Variants in TRIT1 observed in about 807,000 individuals in gnomAD.
TRIT1 encodes tRNA dimethylallyltransferase.
In TRIT1, 43 loss-of-function variants were observed where a neutral mutation model predicts 51.2. That is an observed-to-expected ratio of 0.84 (90% confidence interval 0.66 to 1.08). TRIT1 has a LOEUF of 1.08. TRIT1 is among the 50% of genes least tolerant of loss of function. The pLI is 0.00. For missense variants in TRIT1, 528 were observed against 578.4 expected, an observed-to-expected ratio of 0.91 and a Z score of 0.89; for synonymous variants, 184 against 203.9, an observed-to-expected ratio of 0.90 and a Z score of 0.83.
intron 4 of TRIT1, among the ~76,000 whole-genome samples, chr1:39,851,305 T>C (rs1570003954): frequency 6.6e-6 from 1 of 152,222 alleles, no homozygotes; most frequent in East Asian, 1.9e-4. Context: ...TGACTCTTAC[T>C]AAGAAAAAAT....
chr1:39,869,248 G>A (rs574961174), intron 1 of TRIT1, among the ~76,000 whole-genome samples: 68 of 152,276 alleles, frequency 4.5e-4, no homozygotes, highest in African/African-American at 1.4e-3. Context: ...GATTGCAGGC[G>A]CACGCCGCCA....
At chr1:39,847,791 C>A in intron 6 of TRIT1, 131 bp from the exon 7 acceptor site, 1 of 1,523,210 alleles carries the variant, frequency 6.6e-7, no homozygotes, top group Non-Finnish European at 8.8e-7. Context: ...TACTGATTCT[C>A]TGAAATTTTC....
chr1:39,857,782 C>T (rs1318810077), intron 1 of TRIT1, among the ~76,000 whole-genome samples: 1 of 152,210 alleles, frequency 6.6e-6, no homozygotes, highest in Non-Finnish European at 1.5e-5. Flanking sequence ...GTAACATTTG[C>T]ATTCATTGCT....
At chr1:39,869,765 C>T (rs958787853) in intron 1 of TRIT1, among the ~76,000 whole-genome samples, 10 of 152,160 alleles carry the variant, frequency 6.6e-5, no homozygotes, top group African/African-American at 2.4e-4. Context: ...GCCACCCCAT[C>T]TGGGAGGTGA....
At chr1:39,877,662 A>C (rs1383420353) in intron 1 of TRIT1, among the ~76,000 whole-genome samples, 2 of 152,172 alleles carry the variant, frequency 1.3e-5, no homozygotes, top group African/African-American at 4.8e-5. Flanking sequence ...ACAATGTTTC[A>C]TCCAGTCACT....
intron 10 of TRIT1, 82 bp downstream of exon 10, chr1:39,844,019 A>G (rs1246434494): frequency 6.4e-6 from 6 of 940,206 alleles, no homozygotes; most frequent in Non-Finnish European, 1.0e-5. Flanking sequence ...CTCCAGGTTC[A>G]ATCTGCCAAA....
chr1:39,868,644 CAAA>C (rs60152365), intron 1 of TRIT1, among the ~76,000 whole-genome samples: 3 of 89,808 alleles, frequency 3.3e-5, no homozygotes, highest in Non-Finnish European at 5.1e-5. Context: ...AACTTCCTCT[CAAA>C]AAAAAAAAAA....
intron 1 of TRIT1, among the ~76,000 whole-genome samples, chr1:39,877,328 TA>T (rs57539376): frequency 0.079 from 8,959 of 113,060 alleles, 761 homozygotes; most frequent in African/African-American, 0.23. Flanking sequence ...GTGCTTCTAT[TA>T]AAAAAAAAAA....
chr1:39,876,444 AG>A (rs1644055002), intron 1 of TRIT1, among the ~76,000 whole-genome samples: 1 of 152,186 alleles, frequency 6.6e-6, no homozygotes, highest in East Asian at 1.9e-4. Flanking sequence ...CAACATACAC[AG>A]CTTAATACTG....
chr1:39,861,328 C>T (rs1290124633), intron 1 of TRIT1, among the ~76,000 whole-genome samples: 1 of 152,040 alleles, frequency 6.6e-6, no homozygotes, highest in Non-Finnish European at 1.5e-5. Flanking sequence ...TCAACCTAGG[C>T]AACATAACGA....
At chr1:39,875,756 C>A (rs1464615735) in intron 1 of TRIT1, among the ~76,000 whole-genome samples, 1 of 151,540 alleles carries the variant, frequency 6.6e-6, no homozygotes, top group Non-Finnish European at 1.5e-5. Flanking sequence ...CACAGTGGTA[C>A]AGAGGAAAAG....
chr1:39,862,818 C>T (rs574812911), intron 1 of TRIT1: 1 of 985,394 alleles, frequency 1.0e-6, no homozygotes, highest in South Asian at 4.7e-5. Context: ...ACAGTTTCAG[C>T]ATCACTCTAC....
intron 1 of TRIT1, among the ~76,000 whole-genome samples, chr1:39,878,922 C>A (rs1644153925): frequency 6.6e-6 from 1 of 152,146 alleles, no homozygotes. Flanking sequence ...TAAAATACAT[C>A]TTTTTCCTGA....
At chr1:39,844,005 T>C (rs2124574605) in intron 10 of TRIT1, 96 bp downstream of exon 10, 2 of 798,700 alleles carry the variant, frequency 2.5e-6, no homozygotes, top group Admixed American at 2.2e-5. Flanking sequence ...TACAAATAAA[T>C]AGACTCCAGG....
intron 1 of TRIT1, among the ~76,000 whole-genome samples, chr1:39,867,306 T>C (rs28373757): frequency 0.09 from 13,693 of 152,136 alleles, 1,231 homozygotes; most frequent in East Asian, 0.29. Flanking sequence ...CCACCATGCC[T>C]GGCTAATTTT....
chr1:39,860,700 G>A (rs1025739576), intron 1 of TRIT1, among the ~76,000 whole-genome samples: 2 of 152,154 alleles, frequency 1.3e-5, no homozygotes, highest in Admixed American at 6.5e-5. Flanking sequence ...CATAATTATC[G>A]ACTCTAGGTG....
intron 3 of TRIT1, 134 bp downstream of exon 3, chr1:39,853,836 T>G: frequency 7.9e-6 from 5 of 633,812 alleles, no homozygotes; most frequent in Non-Finnish European, 1.4e-5. Context: ...GGCATTTGCT[T>G]GAGAATATTA....
chr1:39,842,751 T>C (rs1358600489), intron 10 of TRIT1, among the ~76,000 whole-genome samples: 2 of 152,246 alleles, frequency 1.3e-5, no homozygotes, highest in South Asian at 2.1e-4. Flanking sequence ...TTCTCTTTTA[T>C]ACATATTAAA....
In TRIT1 at chr1:39,841,815, C is replaced by G; in HGVS notation, c.1333G>C (p.Asp445His). 6.2e-7 allele frequency: 1 copy of G among 1,614,006 alleles called. No individual in the cohort carries two copies. Among genetic ancestry groups the G allele is most frequent in the Non-Finnish European group, 8.5e-7 (1 of 1,179,962 alleles). ...NTIESQSVSPDHNKEPKEKGS... is the reference protein window; with the variant it reads ...NTIESQSVSPHHNKEPKEKGS... Reference sequence around the variant, plus strand: ...TTCTCTTTAGGTTCTTTGTTATGGTCTGGGGAAACACTCTGACTTTCTATG... The same window carrying G: ...TTCTCTTTAGGTTCTTTGTTATGGTGTGGGGAAACACTCTGACTTTCTATG... Residue 445 changes from aspartate to histidine, a missense_variant, in exon 11 of 11, where the codon GAC (aspartate) becomes CAC (histidine). By Grantham distance (81) the Asp-to-His change is moderately conservative (BLOSUM62 -1). Around this residue, in one of 3 missense-constraint regions of TRIT1, gnomAD observed 468 missense variants for 522.6 expected, o/e 0.90. Transcript: ENST00000316891.
Sources: allele counts gnomAD v4.1 joint callset (sites outside exome capture counted in the v4.1 genomes callset), GRCh38; gene constraint gnomAD v4.1.1; regional missense constraint gnomAD v4.1.1; transcripts MANE v1.5; gene names NCBI Gene and HGNC (gene_info 2026-07-23, HGNC 2026-07-21).